The following UPK1B variants were observed in gnomAD, a reference collection of about 807,000 sequenced individuals.
UPK1B encodes uroplakin 1B, also known as uroplakin-1b.
A neutral mutation model predicts 34.2 loss-of-function variants in UPK1B; 28 were observed. The observed-to-expected ratio is 0.82, with a 90% CI of 0.61 to 1.12. UPK1B has a LOEUF of 1.12. Ranked by LOEUF, UPK1B falls within the 50% of genes most tolerant of loss-of-function variation. UPK1B has a pLI of 0.00. For synonymous variants in UPK1B, 81 were observed against 110.4 expected, an observed-to-expected ratio of 0.73 and a Z score of 1.67; for missense variants, 325 against 320.9, an observed-to-expected ratio of 1.01 and a Z score of -0.10.
At chr3:119,188,570 C>T (rs1464672699) in intron 3 of UPK1B, among the ~76,000 whole-genome samples, 1 of 152,224 alleles carries the variant, frequency 6.6e-6, no homozygotes, top group Non-Finnish European at 1.5e-5. Context: ...GAGCCTTCAG[C>T]TCACACCTGC....
intron 1 of UPK1B, among the ~76,000 whole-genome samples, chr3:119,179,505 G>GTTTTTTTTTTTTTT (rs1293357139): frequency 4.4e-5 from 2 of 45,244 alleles, no homozygotes; most frequent in African/African-American, 7.1e-5. Context: ...TGATGTTGCA[G>GTTTTTTTTTTTTTT]TCTTTTTTTT....
Position 119,204,153 on chromosome 3 carries a change from A to C in UPK1B, c.*186A>C, listed in dbSNP as rs1182692696. On this transcript the variant is annotated 3_prime_UTR_variant, in exon 8 of 8. Coordinates refer to ENST00000264234, the MANE Select transcript of UPK1B (RefSeq NM_006952.4). ...GCAGTTCTCATGACTCCTACTTTTC[A>C]TCCTAGTCTAGCATTCTGCAACATT... 5.0e-6 allele frequency: 3 copies of C among 603,576 alleles called. No individual in the cohort carries two copies. In the African/African-American group the frequency reaches 5.5e-5, roughly 11 times the overall value. The allele number at this position is 603,576 out of a possible 1,614,324, so 37.4% of individuals were successfully genotyped here.
At chr3:119,198,659 T>C (rs1188151736) in intron 6 of UPK1B, among the ~76,000 whole-genome samples, 1 of 152,160 alleles carries the variant, frequency 6.6e-6, no homozygotes, top group Non-Finnish European at 1.5e-5. Flanking sequence ...GCATTTTTAT[T>C]CAAAAACAAA....
chr3:119,201,126 C>T (rs2078088715), intron 7 of UPK1B, among the ~76,000 whole-genome samples: 1 of 152,130 alleles, frequency 6.6e-6, no homozygotes, highest in African/African-American at 2.4e-5. Context: ...TTGATTCTTG[C>T]TAATACTCCA....
In UPK1B at chr3:119,186,795, A is replaced by G. The variant is rs1330669445; in HGVS notation, c.54A>G (p.Gly18=). 6.2e-7 allele frequency: 1 copy of G among 1,613,974 alleles called. No homozygotes were observed. The highest frequency in any genetic ancestry group is 1.3e-5 in the African/African-American group (1 of 74,916). ...VRCFQGLLIF[G]NVIIGCCGIA... is the part of the protein sequence containing the mutation. ...GCTTCCAGGGCCTGCTGATTTTTGG[A>G]AATGTGATTATTGGTGTAAGTAATG... is the stretch of plus-strand genomic sequence containing the variant. The change falls in exon 2 of 8, where the codon GGA becomes GGG. Residue 18 remains glycine (G), a synonymous_variant. Transcript: ENST00000264234.
At chr3:119,191,248 T>A in intron 5 of UPK1B, 144 bp downstream of exon 5, 2 of 1,047,182 alleles carry the variant, frequency 1.9e-6, no homozygotes, top group Non-Finnish European at 2.7e-6. Context: ...TCAAGAAACT[T>A]AGGTTAATCA....
chr3:119,187,873 T>C lies in UPK1B; in HGVS notation c.168T>C (p.Tyr56=), dbSNP rs2078026389. The C allele has an allele frequency of 1.2e-6, 2 of 1,613,986 alleles. No homozygotes were observed. Among genetic ancestry groups the C allele is most frequent in the African/African-American group, 1.3e-5 (1 of 74,898 alleles). The change falls in exon 3 of 8, where the codon TAT becomes TAC. Residue 56 remains tyrosine (Y), a synonymous_variant. Coordinates refer to ENST00000264234, the MANE Select transcript of UPK1B (RefSeq NM_006952.4). ...AAGCCACCGACAACGATGACATCTA[T>C]GGGGCTGCCTGGATCGGCATATTTG... ...LLEATDNDDI[Y]GAAWIGIFVG...
At chr3:119,175,012 C>CTTTTT (rs374721069) in intron 1 of UPK1B, among the ~76,000 whole-genome samples, 10 of 67,444 alleles carry the variant, frequency 1.5e-4, no homozygotes, top group African/African-American at 5.0e-4. Context: ...CTTTTATTTT[C>CTTTTT]TTTTTTTTTT....
In UPK1B at chr3:119,203,947, T is replaced by C. The variant is rs893268146; in HGVS notation, c.763T>C (p.Trp255Arg). 10 of 1,614,140 alleles carry C rather than the reference T, an allele frequency of 6.2e-6. No individual in the cohort carries two copies. Among genetic ancestry groups the C allele is most frequent in the African/African-American group, 4.0e-5 (3 of 75,058 alleles). ...FWVLLGTMFY[W>R]SRIEY Reference sequence around the variant, plus strand: ...GGTTCTCCTGGGTACCATGTTCTACTGGAGCAGAATTGAATATTAAGCATA... The same window carrying C: ...GGTTCTCCTGGGTACCATGTTCTACCGGAGCAGAATTGAATATTAAGCATA... Residue 255 changes from tryptophan to arginine, a missense_variant, in exon 8 of 8, where the codon TGG becomes CGG. Physicochemically the swap from Trp to Arg is moderately radical, Grantham distance 101 (BLOSUM62 -3). Coordinates refer to ENST00000264234, the MANE Select transcript of UPK1B (RefSeq NM_006952.4).
chr3:119,176,635 T>G (rs1274857227), intron 1 of UPK1B, among the ~76,000 whole-genome samples: 1 of 152,054 alleles, frequency 6.6e-6, no homozygotes, highest in Non-Finnish European at 1.5e-5. Flanking sequence ...TCGAGGTGAG[T>G]TGCGTACTTT....
chr3:119,175,786 C>A (rs187541007), intron 1 of UPK1B, among the ~76,000 whole-genome samples: 1 of 152,246 alleles, frequency 6.6e-6, no homozygotes, highest in Non-Finnish European at 1.5e-5. Flanking sequence ...CCACATGTAT[C>A]TAGGGAGTGC....
chr3:119,186,367 A>T (rs1284674975), intron 1 of UPK1B, among the ~76,000 whole-genome samples: 1 of 152,172 alleles, frequency 6.6e-6, no homozygotes, highest in Non-Finnish European at 1.5e-5. Flanking sequence ...AGTGAGGGCT[A>T]TGCCAGGGAC....
Position 119,190,324 on chromosome 3 carries a change from G to A in UPK1B, c.345+5G>A, listed in dbSNP as rs759104378. The A allele has an allele frequency of 5.6e-6, 9 of 1,607,702 alleles. No homozygotes were observed. The highest frequency in any genetic ancestry group is 7.7e-6 in the Non-Finnish European group (9 of 1,175,280). ...GCAGCAACACAACAAGACTTTGTGA[G>A]TACAACCTCAAAAAGCAAAATAATA... On this transcript the variant is annotated splice_donor_5th_base_variant and intron_variant, in intron 4 of 7. Transcript: ENST00000264234.
At chr3:119,177,943 T>C (rs958370920) in intron 1 of UPK1B, among the ~76,000 whole-genome samples, 2 of 152,108 alleles carry the variant, frequency 1.3e-5, no homozygotes, top group African/African-American at 4.8e-5. Flanking sequence ...TAATTCTGGG[T>C]AAGAGAAGTT....
intron 5 of UPK1B, 66 bp from the exon 6 acceptor site, chr3:119,194,153 G>GT (rs1331295996): frequency 9.8e-6 from 14 of 1,435,596 alleles, no homozygotes; most frequent in Non-Finnish European, 1.3e-5. Context: ...TAAAATTTCA[G>GT]TTGCTACATT....
At position 119,194,320 on chromosome 3, in the gene UPK1B, C is replaced by G; in HGVS notation, c.570C>G (p.Cys190Trp). The change falls in exon 6 of 8, where the codon TGC becomes TGG. Residue 190 changes from cysteine (C) to tryptophan (W), a missense_variant. Physicochemically the swap from Cys to Trp is radical, Grantham distance 215. Coordinates refer to ENST00000264234, the MANE Select transcript of UPK1B (RefSeq NM_006952.4). ...NDADYPWPRQ[C>W]CVMNNLKEPL... ...CTGACTATCCCTGGCCTCGTCAATG[C>G]TGTGTTATGAACAATCTTAAAGAAC... 1 of 1,613,972 alleles carries G rather than the reference C, an allele frequency of 6.2e-7. No homozygotes were observed. Among genetic ancestry groups the G allele is most frequent in the Non-Finnish European group, 8.5e-7 (1 of 1,179,920 alleles).
chr3:119,199,737 C>A (rs946119851), intron 7 of UPK1B, among the ~76,000 whole-genome samples: 2 of 152,190 alleles, frequency 1.3e-5, no homozygotes, highest in Non-Finnish European at 2.9e-5. Context: ...TGAGCCAAGG[C>A]ACTTTTATTT....
chr3:119,191,211 T>C, intron 5 of UPK1B, 107 bp downstream of exon 5: 1 of 1,300,550 alleles, frequency 7.7e-7, no homozygotes. Context: ...CCATGATGAT[T>C]AGCTTACATT....
At chr3:119,191,617 C>T (rs2078044926) in intron 5 of UPK1B, among the ~76,000 whole-genome samples, 1 of 152,160 alleles carries the variant, frequency 6.6e-6, no homozygotes. Context: ...CTCCACACCC[C>T]ACCACCAACT....
Sources: gnomAD v4.1 joint callset for allele counts (sites outside exome capture counted in the v4.1 genomes callset) on GRCh38, gnomAD v4.1.1 for gene constraint, MANE v1.5 for transcripts, NCBI Gene and HGNC (gene_info 2026-07-23, HGNC 2026-07-21) for gene names.